The following NBAS variants were observed in gnomAD, a reference collection of about 807,000 sequenced individuals.
The protein encoded by NBAS is NAG/BC035112 fusion.
A neutral mutation model predicts 302.5 loss-of-function variants in NBAS; 219 were observed. The observed-to-expected ratio is 0.72, with a 90% CI of 0.65 to 0.81. The LOEUF is 0.81. NBAS is among the 30% of genes least tolerant of loss of function. The probability of loss-of-function intolerance (pLI) is 0.00; values close to 1 mark genes in which losing one functional copy is unlikely to be tolerated. For synonymous variants in NBAS, 1,118 were observed against 1,021.6 expected, an observed-to-expected ratio of 1.09 and a Z score of -1.80; for missense variants, 2,932 against 2,841.6, an observed-to-expected ratio of 1.03 and a Z score of -0.72.
intron 51 of NBAS, among the ~76,000 whole-genome samples, chr2:15,172,677 G>A (rs913644625): frequency 3.3e-5 from 5 of 152,168 alleles, no homozygotes; most frequent in Non-Finnish European, 7.3e-5. Context: ...GGGTTGACTG[G>A]TGCTTAAGGG....
rs147531897 is a variant in NBAS, at chr2:15,186,779, C to A, written c.6674G>T (p.Arg2225Leu). Reference protein sequence around the residue: ...GLGNEVLKMCRSLYNTKQMLP... With the variant: ...GLGNEVLKMCLSLYNTKQMLP... The stretch of plus-strand genomic sequence containing the variant: ...CATCTGCTTGGTGTTATACAAAGAG[C>A]GACACATTTTCAAAACTTCATTCCC... Residue 2225 changes from arginine (R) to leucine (L), a missense_variant, in exon 50 of 52, where the codon CGC (arginine) becomes CTC (leucine). Physicochemically the swap from Arg to Leu is moderately radical, Grantham distance 102. Coordinates refer to ENST00000281513, the MANE Select transcript of NBAS (RefSeq NM_015909.4). 1 of 1,613,740 alleles carries A rather than the reference C, an allele frequency of 6.2e-7. No individual in the cohort carries two copies. The highest frequency in any genetic ancestry group is 1.7e-5 in the Admixed American group (1 of 59,954).
chr2:14,952,958 A>T, the NBAS span, among the ~76,000 whole-genome samples: 2 of 152,220 alleles, frequency 1.3e-5, no homozygotes, highest in Admixed American at 6.5e-5. Flanking sequence ...CTGCCCAGAC[A>T]TGATGTTTAA....
At position 15,529,419 on chromosome 2, in the gene NBAS, G is replaced by C. The variant is rs183916494; in HGVS notation, c.746+5124C>G. ...CAAGTGGGAGGATCGCTTGAGCCCA[G>C]GAGGTCGAGGCTGCAGTAAGCCAAA... On this transcript the variant is annotated intron_variant, in intron 9 of 51. Transcript: ENST00000281513. Among the ~76,000 whole-genome samples, 73 of 152,240 alleles carry C rather than the reference G, an allele frequency of 4.8e-4. 1 individual carries two copies. In the East Asian group the frequency reaches 0.012, roughly 25 times the overall value.
chr2:15,364,827 C>T (rs1048159082), intron 32 of NBAS, among the ~76,000 whole-genome samples: 1 of 151,978 alleles, frequency 6.6e-6, no homozygotes, highest in African/African-American at 2.4e-5. Flanking sequence ...TTAGCTGAGC[C>T]CAATCTCCAG....
intron 51 of NBAS, among the ~76,000 whole-genome samples, chr2:15,177,496 G>C (rs149295330): frequency 1.3e-5 from 2 of 152,222 alleles, no homozygotes; most frequent in Non-Finnish European, 2.9e-5. Context: ...TCTGCCCATG[G>C]AATCCAGGAC....
downstream of NBAS, among the ~76,000 whole-genome samples, chr2:15,162,771 A>G (rs1663927422): frequency 6.6e-6 from 1 of 152,028 alleles, no homozygotes; most frequent in Non-Finnish European, 1.5e-5. Context: ...TCATTTTCCT[A>G]TTTTCTCATT....
chr2:15,015,045 A>G, the NBAS span, among the ~76,000 whole-genome samples: 24 of 151,872 alleles, frequency 1.6e-4, no homozygotes, highest in African/African-American at 5.6e-4. Flanking sequence ...AAATGAATAA[A>G]TTTCTAAATA....
At chr2:15,470,553 TCA>T (rs1179151313) in intron 16 of NBAS, among the ~76,000 whole-genome samples, 1 of 152,192 alleles carries the variant, frequency 6.6e-6, no homozygotes, top group African/African-American at 2.4e-5. Flanking sequence ...GCCTCATAAA[TCA>T]TGCTCAGTGT....
chr2:15,273,562 T>C (rs1669428387), intron 44 of NBAS, among the ~76,000 whole-genome samples: 1 of 152,198 alleles, frequency 6.6e-6, no homozygotes, highest in African/African-American at 2.4e-5. Context: ...CAACTTAACT[T>C]TGCTAAGCCT....
At chr2:15,140,880 G>T in the NBAS span, among the ~76,000 whole-genome samples, 1 of 152,162 alleles carries the variant, frequency 6.6e-6, no homozygotes, top group Non-Finnish European at 1.5e-5. Flanking sequence ...TAATAAGGTT[G>T]AACATACATT....
At chr2:15,297,009 T>A (rs868122263) in intron 40 of NBAS, among the ~76,000 whole-genome samples, 53 of 152,212 alleles carry the variant, frequency 3.5e-4, no homozygotes, top group Admixed American at 3.3e-3. Flanking sequence ...TAGGAGAAAC[T>A]TATTCACTTT....
intron 49 of NBAS, among the ~76,000 whole-genome samples, chr2:15,187,101 A>C (rs1415260035): frequency 6.6e-6 from 1 of 152,182 alleles, no homozygotes; most frequent in African/African-American, 2.4e-5. Flanking sequence ...TAGTAAGTGC[A>C]TTGAAACAGC....
At chr2:15,082,505 C>T in the NBAS span, among the ~76,000 whole-genome samples, 11 of 152,280 alleles carry the variant, frequency 7.2e-5, no homozygotes, top group South Asian at 1.5e-3. Flanking sequence ...GCCTTTAATT[C>T]GGCTCCATGC....
At chr2:15,216,241 T>C (rs1269805425) in intron 48 of NBAS, among the ~76,000 whole-genome samples, 1 of 152,154 alleles carries the variant, frequency 6.6e-6, no homozygotes, top group Non-Finnish European at 1.5e-5. Context: ...AACAAATCTG[T>C]ATCATTACCT....
the NBAS span, among the ~76,000 whole-genome samples, chr2:14,785,832 T>C: frequency 4.6e-5 from 7 of 152,328 alleles, no homozygotes; most frequent in African/African-American, 1.4e-4. Flanking sequence ...GATGCTGGCC[T>C]CATAAAATGA....
chr2:15,046,924 C>T, the NBAS span, among the ~76,000 whole-genome samples: 1 of 152,132 alleles, frequency 6.6e-6, no homozygotes, highest in African/African-American at 2.4e-5. Context: ...TCCAGGAAGA[C>T]CTATAACTGG....
chr2:15,363,965 G>C (rs1674066677), intron 32 of NBAS, among the ~76,000 whole-genome samples: 1 of 152,164 alleles, frequency 6.6e-6, no homozygotes, highest in African/African-American at 2.4e-5. Context: ...GGAGAAACCA[G>C]CTGCCGTGCT....
In NBAS at chr2:15,276,977, C is replaced by A; in HGVS notation, c.5263G>T (p.Asp1755Tyr). ...KYIYPTIGGF[D>Y]HERLQYYFTL... ...AAATAATACTGCAGCCTTTCGTGATCAAAGCCACCAATAGTAGGGTAAATA... is the reference window on the plus strand; with the variant it reads ...AAATAATACTGCAGCCTTTCGTGATAAAAGCCACCAATAGTAGGGTAAATA... The change falls in exon 43 of 52, where the codon GAT (aspartate) becomes TAT (tyrosine). Residue 1755 changes from aspartate to tyrosine, a missense_variant. Physicochemically the swap from Asp to Tyr is radical, Grantham distance 160 (BLOSUM62 -3). Transcript: ENST00000281513. 1 of 1,613,966 alleles carries A rather than the reference C, an allele frequency of 6.2e-7. No homozygotes were observed. Among genetic ancestry groups the A allele is most frequent in the South Asian group, 1.1e-5 (1 of 91,064 alleles).
intron 38 of NBAS, among the ~76,000 whole-genome samples, chr2:15,318,219 C>A (rs748752601): frequency 4.1e-4 from 63 of 152,182 alleles, no homozygotes; most frequent in Non-Finnish European, 1.9e-4. Flanking sequence ...CACTACCAGG[C>A]CTGCCTTACA....
Sources: allele counts gnomAD v4.1 joint callset (sites outside exome capture counted in the v4.1 genomes callset), GRCh38; gene constraint gnomAD v4.1.1; transcripts MANE v1.5; gene names NCBI Gene and HGNC (gene_info 2026-07-23, HGNC 2026-07-21).